Variants in CSMD1 observed in about 807,000 individuals in gnomAD.
CSMD1 encodes the protein CUB and sushi domain-containing protein 1.
CSMD1 carries 213 observed loss-of-function variants against 417.5 expected under a neutral mutation model. The observed-to-expected ratio is 0.51, with a 90% CI of 0.46 to 0.57. The LOEUF is 0.57. Among genes scored for constraint, CSMD1 ranks in the 20% least tolerant of loss-of-function variants. CSMD1 has a pLI of 0.00. For missense variants in CSMD1, 6,923 were observed against 4,529.7 expected (o/e 1.53, Z -15.17); for synonymous variants, 2,862 against 1,736.8 (o/e 1.65, Z -16.11).
chr8:3,834,238 C>T (rs1204908934), intron 5 of CSMD1, among the ~76,000 whole-genome samples: 4 of 152,094 alleles, frequency 2.6e-5, no homozygotes, highest in African/African-American at 4.8e-5. Flanking sequence ...GCTCCTAAGG[C>T]CCCCTCTGTC....
chr8:3,324,377 A>T, intron 23 of CSMD1, among the ~76,000 whole-genome samples: 1 of 143,684 alleles, frequency 7.0e-6, no homozygotes, highest in South Asian at 2.3e-4. Flanking sequence ...GGACCCAGGA[A>T]GGGGCGTTTC....
At chr8:3,400,587 G>C (rs1200606110) in intron 15 of CSMD1, among the ~76,000 whole-genome samples, 1 of 152,044 alleles carries the variant, frequency 6.6e-6, no homozygotes, top group South Asian at 2.1e-4. Flanking sequence ...CCATATATTG[G>C]AATGTGGCAA....
chr8:4,547,944 G>T (rs985099251), intron 2 of CSMD1, among the ~76,000 whole-genome samples: 3 of 152,240 alleles, frequency 2.0e-5, no homozygotes, highest in African/African-American at 7.2e-5. Context: ...TTTGGGTCTG[G>T]AAAACAAAAG....
chr8:3,460,351 G>A (rs1816416773), intron 12 of CSMD1, among the ~76,000 whole-genome samples: 1 of 152,174 alleles, frequency 6.6e-6, no homozygotes, highest in Non-Finnish European at 1.5e-5. Flanking sequence ...TCAAGTGTAT[G>A]TGAGTGGTGG....
chr8:3,613,240 G>A (rs1801976429), intron 8 of CSMD1: 2 of 422,868 alleles, frequency 4.7e-6, no homozygotes, highest in Non-Finnish European at 4.7e-6. Flanking sequence ...ACATAAGCCT[G>A]TAAGTAGAAA....
At chr8:3,042,550 C>G (rs1002659026) in intron 50 of CSMD1, among the ~76,000 whole-genome samples, 1 of 152,090 alleles carries the variant, frequency 6.6e-6, no homozygotes, top group Non-Finnish European at 1.5e-5. Context: ...GAAAGCGGGA[C>G]GGGCACTTTA....
intron 3 of CSMD1, among the ~76,000 whole-genome samples, chr8:4,100,530 G>C (rs558779655): frequency 1.3e-3 from 201 of 152,316 alleles, no homozygotes; most frequent in African/African-American, 4.2e-3. Context: ...GTATCTTATA[G>C]AAGTGTTGAA....
chr8:3,186,392 A>G (rs150557559), intron 36 of CSMD1, among the ~76,000 whole-genome samples: 129 of 152,322 alleles, frequency 8.5e-4, no homozygotes, highest in African/African-American at 3.1e-3. Context: ...AAGTTCCTAA[A>G]AGTATAAATA....
chr8:2,956,281 C>T (rs1803002650), intron 63 of CSMD1, among the ~76,000 whole-genome samples: 3 of 151,794 alleles, frequency 2.0e-5, no homozygotes, highest in Admixed American at 2.0e-4. Context: ...TATTTAGAAA[C>T]TTAATATAGA....
At chr8:3,850,801 C>G (rs945522909) in intron 5 of CSMD1, among the ~76,000 whole-genome samples, 1 of 152,036 alleles carries the variant, frequency 6.6e-6, no homozygotes, top group Non-Finnish European at 1.5e-5. Context: ...AAAGTCCAGT[C>G]AAAGGAACAA....
intron 42 of CSMD1, among the ~76,000 whole-genome samples, chr8:3,115,585 T>A (rs1166145019): frequency 6.6e-6 from 1 of 152,234 alleles, no homozygotes; most frequent in Non-Finnish European, 1.5e-5. Context: ...CTTCAATTTC[T>A]CAGATAACTT....
intron 63 of CSMD1, 144 bp from the exon 64 acceptor site, chr8:2,955,912 A>AT (rs954814040): frequency 2.9e-5 from 16 of 542,664 alleles, no homozygotes; most frequent in South Asian, 3.8e-5. Context: ...ATATATGTAT[A>AT]TTTTTTTTGG....
intron 1 of CSMD1, among the ~76,000 whole-genome samples, chr8:4,984,175 G>A (rs1811052763): frequency 6.6e-6 from 1 of 152,172 alleles, no homozygotes; most frequent in African/African-American, 2.4e-5. Flanking sequence ...CATCCTGGAG[G>A]TCATTAGAAA....
intron 1 of CSMD1, among the ~76,000 whole-genome samples, chr8:4,796,392 C>T (rs1410134561): frequency 6.6e-6 from 1 of 151,958 alleles, no homozygotes; most frequent in Non-Finnish European, 1.5e-5. Flanking sequence ...ATCTCCCTGT[C>T]TAAGGGCATT....
At chr8:4,922,072 G>C (rs1444465166) in intron 1 of CSMD1, among the ~76,000 whole-genome samples, 1 of 152,136 alleles carries the variant, frequency 6.6e-6, no homozygotes, top group Non-Finnish European at 1.5e-5. Context: ...TGTACCCAGA[G>C]CACCTGAGCT....
At chr8:4,476,457 A>G (rs187403481) in intron 2 of CSMD1, among the ~76,000 whole-genome samples, 1 of 152,216 alleles carries the variant, frequency 6.6e-6, no homozygotes, top group African/African-American at 2.4e-5. Flanking sequence ...TGGTAAAATC[A>G]TATAATTTGG....
At chr8:3,567,217 G>T (rs1006166841) in intron 10 of CSMD1, among the ~76,000 whole-genome samples, 2 of 152,078 alleles carry the variant, frequency 1.3e-5, no homozygotes, top group East Asian at 3.9e-4. Flanking sequence ...GCACCAAATG[G>T]TGAAAGTACA....
chr8:3,248,463 G>GA (rs1433197760), intron 26 of CSMD1, among the ~76,000 whole-genome samples: 11 of 149,844 alleles, frequency 7.3e-5, no homozygotes, highest in Non-Finnish European at 1.5e-4. Context: ...AGACAACAGG[G>GA]AAAATCCAGT....
At chr8:4,364,510 T>C in intron 3 of CSMD1, among the ~76,000 whole-genome samples, 1 of 152,192 alleles carries the variant, frequency 6.6e-6, no homozygotes, top group East Asian at 1.9e-4. Context: ...CTCTACATTG[T>C]CAGTTAAAAC....
Sources: gnomAD v4.1 joint callset for allele counts (sites outside exome capture counted in the v4.1 genomes callset) on GRCh38, gnomAD v4.1.1 for gene constraint, MANE v1.5 for transcripts, NCBI Gene and HGNC (gene_info 2026-07-23, HGNC 2026-07-21) for gene names.